The following GRIP1 variants were observed in gnomAD, a reference collection of about 807,000 sequenced individuals.
GRIP1 encodes the protein glutamate receptor-interacting protein 1.
A neutral mutation model predicts 129.9 loss-of-function variants in GRIP1; 45 were observed. That is an observed-to-expected ratio of 0.35 (90% CI 0.27 to 0.44). The LOEUF (loss-of-function observed/expected upper bound fraction) is 0.44. Ranked by LOEUF, GRIP1 falls within the 20% of genes least tolerant of loss-of-function variation. The probability of loss-of-function intolerance (pLI) is 1.00; values close to 1 mark genes in which losing one functional copy is unlikely to be tolerated. For missense variants in GRIP1, 1,196 were observed against 1,396.8 expected, an observed-to-expected ratio of 0.86 and a Z score of 2.29; for synonymous variants, 530 against 520.8, an observed-to-expected ratio of 1.02 and a Z score of -0.24.
At chr12:67,062,178 C>A (rs1054143405) in intron 1 of GRIP1, among the ~76,000 whole-genome samples, 51 of 152,198 alleles carry the variant, frequency 3.4e-4, no homozygotes, top group African/African-American at 1.2e-3. Context: ...CCTATCAATT[C>A]TTTATCGCCT....
intron 1 of GRIP1, among the ~76,000 whole-genome samples, chr12:66,784,796 T>C (rs945042912): frequency 6.6e-6 from 1 of 152,076 alleles, no homozygotes; most frequent in Non-Finnish European, 1.5e-5. Context: ...ACCTCCTCTC[T>C]GTTATTTTTC....
intron 9 of GRIP1, 73 bp downstream of exon 9, chr12:66,462,851 C>T (rs1166404004): frequency 8.4e-6 from 8 of 956,866 alleles, no homozygotes; most frequent in Admixed American, 7.4e-5. Context: ...TGTCTTTCTG[C>T]TGTCTAACTC....
At chr12:66,378,927 G>A (rs1032108350) in intron 20 of GRIP1, among the ~76,000 whole-genome samples, 2 of 151,984 alleles carry the variant, frequency 1.3e-5, no homozygotes, top group Non-Finnish European at 2.9e-5. Context: ...AGCTTGGGCA[G>A]CAGAGTGAGA....
intron 1 of GRIP1, among the ~76,000 whole-genome samples, chr12:66,988,997 C>G (rs1202023794): frequency 6.8e-6 from 1 of 148,064 alleles, no homozygotes; most frequent in Non-Finnish European, 1.5e-5. Context: ...TTAATTACCA[C>G]CTGCTGAGCA....
rs1169331519 is a variant in GRIP1 at position 66,451,383 on chromosome 12, G to GTTTTTTTT, written c.1354+4018_1354+4025dup. Among the ~76,000 whole-genome samples the GTTTTTTTT allele has an allele frequency of 1.6e-3, 67 of 42,652 alleles. 10 individuals carry two copies. The highest frequency in any genetic ancestry group is 4.7e-3 in the African/African-American group (43 of 9,086). 28.0% of individuals were successfully genotyped at this position (42,652 alleles called of 152,430 possible). ...CCCCAAAGATTTATTATTATAATCTGTTTTTTTTTTTTTTTTTTTTTTTTT... is the reference window on the plus strand; with the variant it reads ...CCCCAAAGATTTATTATTATAATCTGTTTTTTTTTTTTTTTTTTTTTTTTTTTTTTTTT... On this transcript the variant is annotated intron_variant, in intron 11 of 24. Transcript: ENST00000359742.
At chr12:66,700,600 A>T (rs774885714) in intron 1 of GRIP1, among the ~76,000 whole-genome samples, 33 of 152,056 alleles carry the variant, frequency 2.2e-4, no homozygotes, top group Non-Finnish European at 4.3e-4. Context: ...GGTGCATGCC[A>T]CTGTGCCTAA....
chr12:66,589,105 A>G (rs1013569371), intron 2 of GRIP1, among the ~76,000 whole-genome samples: 5 of 152,134 alleles, frequency 3.3e-5, no homozygotes, highest in Non-Finnish European at 7.4e-5. Context: ...AAATGAGATG[A>G]TATTCATAAA....
intron 1 of GRIP1, among the ~76,000 whole-genome samples, chr12:66,870,759 A>G (rs965991919): frequency 4.6e-5 from 7 of 152,106 alleles, no homozygotes; most frequent in Admixed American, 1.3e-4. Flanking sequence ...ACAGGATGTA[A>G]ACTGTTTGTC....
At chr12:66,859,196 C>T (rs1348505232) in intron 1 of GRIP1, among the ~76,000 whole-genome samples, 1 of 134,966 alleles carries the variant, frequency 7.4e-6, no homozygotes, top group African/African-American at 2.7e-5. Context: ...ATACTAAACG[C>T]AACAAATTGC....
At chr12:66,372,201 T>C (rs866876628) in intron 22 of GRIP1, 8 of 542,192 alleles carry the variant, frequency 1.5e-5, no homozygotes, top group Middle Eastern at 5.0e-4. Context: ...TTGAGGCAAA[T>C]TGAAATGCTC....
intron 9 of GRIP1, among the ~76,000 whole-genome samples, chr12:66,457,307 A>AC (rs1336892263): frequency 6.6e-6 from 1 of 152,136 alleles, no homozygotes; most frequent in African/African-American, 2.4e-5. Context: ...TTGCTGTGTC[A>AC]CCCAGGCTGG....
At chr12:66,930,881 C>T (rs748801067) in intron 1 of GRIP1, among the ~76,000 whole-genome samples, 1 of 152,150 alleles carries the variant, frequency 6.6e-6, no homozygotes, top group Admixed American at 6.6e-5. Flanking sequence ...GATTGAATCC[C>T]AGACTTAAAG....
At chr12:66,801,699 T>G (rs1347672439) in intron 1 of GRIP1, among the ~76,000 whole-genome samples, 1 of 152,094 alleles carries the variant, frequency 6.6e-6, no homozygotes, top group Non-Finnish European at 1.5e-5. Context: ...ACATACAAAG[T>G]TCTTGTGGCA....
chr12:67,032,066 G>C (rs186086483), intron 1 of GRIP1, among the ~76,000 whole-genome samples: 1 of 152,150 alleles, frequency 6.6e-6, no homozygotes. Context: ...TCTCCATAAA[G>C]CCTTTCCTAA....
At chr12:66,481,881 A>T (rs908016632) in intron 7 of GRIP1, among the ~76,000 whole-genome samples, 2 of 151,958 alleles carry the variant, frequency 1.3e-5, no homozygotes, top group Non-Finnish European at 2.9e-5. Flanking sequence ...TCTCACTCAT[A>T]AGTGGGAATT....
chr12:66,686,893 C>T (rs1024816279), intron 1 of GRIP1, among the ~76,000 whole-genome samples: 7 of 152,028 alleles, frequency 4.6e-5, no homozygotes, highest in Admixed American at 3.3e-4. Flanking sequence ...CTTGTCTCTA[C>T]CAAAATATTT....
At chr12:66,936,978 C>T (rs1172487033) in intron 1 of GRIP1, among the ~76,000 whole-genome samples, 2 of 152,144 alleles carry the variant, frequency 1.3e-5, no homozygotes, top group Non-Finnish European at 2.9e-5. Flanking sequence ...TGGCTTCTGC[C>T]ATTTCCTGTT....
At chr12:66,582,274 C>A (rs1289742675) in intron 2 of GRIP1, among the ~76,000 whole-genome samples, 4 of 142,688 alleles carry the variant, frequency 2.8e-5, no homozygotes, top group Non-Finnish European at 3.1e-5. Flanking sequence ...TAAGAGCTAT[C>A]TATGACAAAC....
chr12:66,444,825 AT>A, intron 12 of GRIP1, 96 bp from the exon 13 acceptor site: 1 of 1,321,650 alleles, frequency 7.6e-7, no homozygotes, highest in South Asian at 1.2e-5. Context: ...GCAAAATAGC[AT>A]CATAATTTGG....
Sources: allele counts gnomAD v4.1 joint callset (sites outside exome capture counted in the v4.1 genomes callset), GRCh38; gene constraint gnomAD v4.1.1; transcripts MANE v1.5; gene names NCBI Gene and HGNC (gene_info 2026-07-23, HGNC 2026-07-21).